The following EPC2 variants were observed in gnomAD, a reference collection of about 807,000 sequenced individuals.
EPC2 encodes the protein enhancer of polycomb 2, also known as enhancer of polycomb homolog 2.
Under a neutral mutation model 92.1 loss-of-function variants are expected in EPC2, and 14 were observed. The ratio of observed to expected loss-of-function variants is 0.15; its 90% CI spans 0.10 to 0.24. The LOEUF (loss-of-function observed/expected upper bound fraction) is 0.24, where lower values mean the gene tolerates loss of function less well. EPC2 is among the 10% of genes least tolerant of loss of function. The probability of loss-of-function intolerance (pLI) is 1.00; values close to 1 mark genes in which losing one functional copy is unlikely to be tolerated. For synonymous variants in EPC2, 340 were observed against 334.7 expected (o/e 1.02, Z -0.17); for missense variants, 755 against 971.5 (o/e 0.78, Z 2.96).
intron 7 of EPC2, among the ~76,000 whole-genome samples, chr2:148,767,189 C>A (rs1171045217): frequency 1.0e-5 from 1 of 98,314 alleles, no homozygotes; most frequent in African/African-American, 3.9e-5. Context: ...CAGAGCAAGA[C>A]CCTGTTTCAA....
chr2:148,767,429 C>G (rs1160191302), intron 7 of EPC2, among the ~76,000 whole-genome samples: 1 of 152,036 alleles, frequency 6.6e-6, no homozygotes, highest in African/African-American at 2.4e-5. Context: ...TTAGGTTCTT[C>G]TGATTGTTTG....
At chr2:148,704,293 G>A (rs1182139134) in intron 2 of EPC2, among the ~76,000 whole-genome samples, 1 of 152,190 alleles carries the variant, frequency 6.6e-6, no homozygotes, top group African/African-American at 2.4e-5. Flanking sequence ...GTCATTATCT[G>A]AGGTACTTAG....
chr2:148,716,505 C>G (rs909903959), intron 2 of EPC2, among the ~76,000 whole-genome samples: 3 of 151,990 alleles, frequency 2.0e-5, no homozygotes, highest in Non-Finnish European at 4.4e-5. Context: ...GTCTTTAGTT[C>G]TGTTTATGTG....
intron 10 of EPC2, among the ~76,000 whole-genome samples, chr2:148,778,739 A>G (rs1478856757): frequency 6.6e-6 from 1 of 152,178 alleles, no homozygotes; most frequent in African/African-American, 2.4e-5. Context: ...GTTTTGAAGT[A>G]ATAATAAACA....
At chr2:148,749,850 GCAGT>G (rs1390210700) in intron 3 of EPC2, among the ~76,000 whole-genome samples, 7 of 152,074 alleles carry the variant, frequency 4.6e-5, no homozygotes, top group Non-Finnish European at 1.0e-4. Flanking sequence ...AAGTTAATGA[GCAGT>G]CAGATTATAA....
At chr2:148,768,205 GAA>G (rs1407312497) in intron 7 of EPC2, among the ~76,000 whole-genome samples, 3 of 152,138 alleles carry the variant, frequency 2.0e-5, no homozygotes, top group Admixed American at 2.0e-4. Context: ...GCGTTTATCA[GAA>G]AAAGAGATGT....
At chr2:148,645,745 G>A (rs1045429466) in intron 1 of EPC2, among the ~76,000 whole-genome samples, 3 of 152,042 alleles carry the variant, frequency 2.0e-5, no homozygotes, top group African/African-American at 7.2e-5. Context: ...CACGACTACC[G>A]AGCGGGTCGT....
At chr2:148,753,859 G>A (rs2105416403) in intron 3 of EPC2, 68 bp from the exon 4 acceptor site, 2 of 1,397,206 alleles carry the variant, frequency 1.4e-6, no homozygotes, top group Non-Finnish European at 2.0e-6. Context: ...TTTTTCTACA[G>A]CCATAAGCTA....
intron 8 of EPC2, 86 bp from the exon 9 acceptor site, chr2:148,770,704 GTT>G: frequency 7.5e-7 from 1 of 1,335,108 alleles, no homozygotes; most frequent in East Asian, 2.6e-5. Context: ...TAATGTTGCA[GTT>G]ACTTCATGTT....
chr2:148,728,710 A>G (rs1217711871), intron 2 of EPC2, among the ~76,000 whole-genome samples: 1 of 150,920 alleles, frequency 6.6e-6, no homozygotes, highest in Admixed American at 6.6e-5. Context: ...ATCCTGGGTG[A>G]CAAAGTGAGG....
intron 1 of EPC2, among the ~76,000 whole-genome samples, chr2:148,686,112 C>A (rs1387152678): frequency 1.1e-4 from 17 of 152,232 alleles, no homozygotes; most frequent in Admixed American, 1.1e-3. Flanking sequence ...ATTTTACTCA[C>A]AGTAGAACTT....
At chr2:148,709,643 CA>C (rs1682088236) in intron 2 of EPC2, among the ~76,000 whole-genome samples, 1 of 152,162 alleles carries the variant, frequency 6.6e-6, no homozygotes, top group Non-Finnish European at 1.5e-5. Context: ...GGTACCAAAA[CA>C]GAGATATAAA....
intron 2 of EPC2, among the ~76,000 whole-genome samples, chr2:148,710,795 A>G (rs1574597504): frequency 1.3e-5 from 2 of 152,146 alleles, no homozygotes; most frequent in South Asian, 2.1e-4. Flanking sequence ...GAATTGAACA[A>G]TGGGAACACT....
At chr2:148,676,642 C>T (rs929853114) in intron 1 of EPC2, among the ~76,000 whole-genome samples, 10 of 150,616 alleles carry the variant, frequency 6.6e-5, no homozygotes, top group Non-Finnish European at 1.2e-4. Flanking sequence ...TGCTTGTTTA[C>T]TTCATATCCT....
rs538289401 is a variant in EPC2 at position 148,701,516 on chromosome 2, T to A, written c.313+11143T>A. ...TTTTCTACATCTATTGATATGCTCA[T>A]GTGATTTTTCTTCTTTAGTCGATGA... On this transcript the variant is annotated intron_variant, in intron 2 of 13. Transcript: ENST00000258484. 2.6e-5 allele frequency among the ~76,000 whole-genome samples: 4 copies of A among 152,072 alleles called. No homozygotes were observed. In the South Asian group the frequency reaches 8.3e-4, roughly 32 times the overall value.
At chr2:148,652,725 T>C (rs547405025) in intron 1 of EPC2, among the ~76,000 whole-genome samples, 1 of 152,362 alleles carries the variant, frequency 6.6e-6, no homozygotes, top group East Asian at 1.9e-4. Context: ...AAGGTTTAAC[T>C]CTTTAATACT....
chr2:148,706,646 C>T (rs893100847), intron 2 of EPC2, among the ~76,000 whole-genome samples: 1 of 152,220 alleles, frequency 6.6e-6, no homozygotes, highest in Non-Finnish European at 1.5e-5. Context: ...AACAGCGGAT[C>T]TCTCGGCAGA....
At chr2:148,743,137 T>G (rs1283943285) in intron 2 of EPC2, among the ~76,000 whole-genome samples, 1 of 152,120 alleles carries the variant, frequency 6.6e-6, no homozygotes, top group South Asian at 2.1e-4. Context: ...CACTTACTGG[T>G]GTTAGAAGTA....
At chr2:148,745,005 C>T (rs1478003628) in intron 3 of EPC2, among the ~76,000 whole-genome samples, 1 of 143,504 alleles carries the variant, frequency 7.0e-6, no homozygotes, top group Non-Finnish European at 1.5e-5. Flanking sequence ...CCCCCCCGCA[C>T]CATTTTGATG....
Sources: gnomAD v4.1 joint callset for allele counts (sites outside exome capture counted in the v4.1 genomes callset) on GRCh38, gnomAD v4.1.1 for gene constraint, MANE v1.5 for transcripts, NCBI Gene and HGNC (gene_info 2026-07-23, HGNC 2026-07-21) for gene names.